The following CHD1L variants were observed in gnomAD, a reference collection of about 807,000 sequenced individuals.
The protein encoded by CHD1L is ATP-dependent chromatin remodeler CHD1L.
CHD1L carries 118 observed loss-of-function variants against 115.9 expected under a neutral mutation model. The observed-to-expected ratio is 1.02, with a 90% CI of 0.88 to 1.19. CHD1L has a LOEUF of 1.19. Ranked by LOEUF, CHD1L falls within the 50% of genes most tolerant of loss-of-function variation. CHD1L has a pLI of 0.00. For synonymous variants in CHD1L, 411 were observed against 387.1 expected (o/e 1.06, Z -0.72); for missense variants, 1,179 against 1,065.3 (o/e 1.11, Z -1.49).
At chr1:147,185,087 A>G in the CHD1L span, among the ~76,000 whole-genome samples, 1 of 152,126 alleles carries the variant, frequency 6.6e-6, no homozygotes, top group African/African-American at 2.4e-5. Flanking sequence ...ATTATCAGTA[A>G]CAAGAGCTTT....
At chr1:147,211,179 T>A in the CHD1L span, 1 of 152,166 alleles carries the variant, frequency 6.6e-6, no homozygotes, top group East Asian at 1.9e-4. Flanking sequence ...CACACAGAAA[T>A]GCTTTGTTAT....
At chr1:147,190,426 C>T in the CHD1L span, among the ~76,000 whole-genome samples, 5,621 of 152,218 alleles carry the variant, frequency 0.037, 157 homozygotes, top group South Asian at 0.095. Context: ...TTAACATCTG[C>T]AGCTTACTCT....
Position 147,284,609 on chromosome 1 carries a change from A to G in CHD1L, c.1854+110A>G, listed in dbSNP as rs369382471. On this transcript the variant is annotated intron_variant, in intron 16 of 22. Transcript: ENST00000369258. ...TTCTCTTAGGATGATTTGTCAAGAA[A>G]TAAGTATGTGTTTGCTGAAATGTTA... The G allele has an allele frequency of 3.1e-6, 3 of 979,526 alleles. No homozygotes were observed. The Admixed American group carries it at 9.3e-5, about 31-fold the overall frequency. The allele number at this position is 979,526 out of a possible 1,614,324, so 60.7% of individuals were successfully genotyped here.
At chr1:147,287,803 T>C in intron 19 of CHD1L, 70 bp downstream of exon 19, 1 of 1,303,480 alleles carries the variant, frequency 7.7e-7, no homozygotes, top group African/African-American at 1.5e-5. Flanking sequence ...GACTGTATCG[T>C]GAGGGTTACA....
chr1:147,295,378 G>T, intron 22 of CHD1L, 53 bp from the exon 23 acceptor site: 8 of 1,195,962 alleles, frequency 6.7e-6, no homozygotes, highest in African/African-American at 1.5e-5. Context: ...TAGTCGTTTT[G>T]GTAAAGTTGG....
chr1:147,258,748 T>C (rs1416105053), intron 5 of CHD1L: 1 of 152,202 alleles, frequency 6.6e-6, no homozygotes, highest in South Asian at 2.1e-4. Context: ...CTTTCTCTAA[T>C]TTTGGAGGAA....
intron 5 of CHD1L, chr1:147,259,109 A>C (rs1553942223): frequency 6.6e-6 from 1 of 152,166 alleles, no homozygotes; most frequent in African/African-American, 2.4e-5. Flanking sequence ...ATTCCCACAT[A>C]TATCTTTTTC....
chr1:147,285,612 A>G, intron 17 of CHD1L, 125 bp downstream of exon 17: 1 of 1,098,778 alleles, frequency 9.1e-7, no homozygotes, highest in Non-Finnish European at 1.3e-6. Flanking sequence ...TATTGGTAAC[A>G]GAATACTTTC....
Position 147,286,516 on chromosome 1 carries a change from TGGGCTG to T in CHD1L, c.2221+20_2221+25del. The stretch of plus-strand genomic sequence containing the variant: ...CACTGCGTAGGTACGAGAAGTGGTA[TGGGCTG>T]GGGATGGGGGCCTCAGTCCTTATGG... On this transcript the variant is annotated intron_variant, in intron 18 of 22. Coordinates refer to ENST00000369258, the MANE Select transcript of CHD1L (RefSeq NM_004284.6). 6.2e-7 allele frequency: 1 copy of T among 1,611,876 alleles called. No homozygotes were observed.
In CHD1L at chr1:147,285,304, G is replaced by A. The variant is rs781952212; in HGVS notation, c.1855-20G>A. The stretch of plus-strand genomic sequence containing the variant: ...GAGGAATCTTCTTGACCCTGGTGAT[G>A]GATCTTGTTCTTCCTCTAGGTTCTC... On this transcript the variant is annotated intron_variant, in intron 16 of 22. Transcript: ENST00000369258. 2.5e-6 allele frequency: 4 copies of A among 1,601,918 alleles called. No homozygotes were observed. In the South Asian group the frequency reaches 4.5e-5, roughly 18 times the overall value.
At chr1:147,185,664 C>T in the CHD1L span, among the ~76,000 whole-genome samples, 6,286 of 152,220 alleles carry the variant, frequency 0.041, 303 homozygotes, top group East Asian at 0.17. Context: ...TTCCATTGTT[C>T]AGGTTTATCC....
intron 1 of CHD1L, among the ~76,000 whole-genome samples, chr1:147,247,466 C>G (rs1393963504): frequency 1.3e-5 from 2 of 152,172 alleles, no homozygotes; most frequent in African/African-American, 4.8e-5. Flanking sequence ...CTTTCTTCCT[C>G]TCTCACCATG....
intron 20 of CHD1L, 121 bp downstream of exon 20, chr1:147,291,673 A>G (rs1685587894): frequency 1.3e-6 from 1 of 744,888 alleles, no homozygotes; most frequent in Admixed American, 2.1e-5. Flanking sequence ...TGCCATAACA[A>G]AAAGACACAG....
chr1:147,271,817 G>A (rs928653336), intron 11 of CHD1L, among the ~76,000 whole-genome samples: 37 of 152,282 alleles, frequency 2.4e-4, no homozygotes, highest in Non-Finnish European at 4.6e-4. Flanking sequence ...GCCTCCAAGC[G>A]CTTGTCTTCT....
chr1:147,242,396 A>G (rs1255628937), upstream of CHD1L, among the ~76,000 whole-genome samples: 1 of 152,236 alleles, frequency 6.6e-6, no homozygotes, highest in Non-Finnish European at 1.5e-5. Context: ...TAAATGAATG[A>G]TGAACACATG....
intron 14 of CHD1L, among the ~76,000 whole-genome samples, chr1:147,278,629 A>G (rs1679588812): frequency 6.6e-6 from 1 of 151,928 alleles, no homozygotes; most frequent in South Asian, 2.1e-4. Context: ...AAAGAAGGAA[A>G]CAGGTTTTTT....
chr1:147,208,201 T>A, the CHD1L span, among the ~76,000 whole-genome samples: 3 of 152,180 alleles, frequency 2.0e-5, no homozygotes, highest in Non-Finnish European at 4.4e-5. Flanking sequence ...TTCATGCCCA[T>A]GTATGATGCC....
the CHD1L span, chr1:147,208,578 T>C: frequency 5.2e-5 from 16 of 307,370 alleles, no homozygotes; most frequent in Admixed American, 5.6e-4. Flanking sequence ...TAGCTGGGAC[T>C]ACAGACAGGT....
At chr1:147,188,911 G>A in the CHD1L span, among the ~76,000 whole-genome samples, 4 of 152,084 alleles carry the variant, frequency 2.6e-5, no homozygotes, top group Admixed American at 2.6e-4. Flanking sequence ...CAAGAAGGAA[G>A]AAATGTTTAA....
Sources: gnomAD v4.1 joint callset for allele counts (sites outside exome capture counted in the v4.1 genomes callset) on GRCh38, gnomAD v4.1.1 for gene constraint, MANE v1.5 for transcripts, NCBI Gene and HGNC (gene_info 2026-07-23, HGNC 2026-07-21) for gene names.